Variants in RABGAP1L observed in about 807,000 individuals in gnomAD.
The protein encoded by RABGAP1L is RAB GTPase activating protein 1 like, also known as rab GTPase-activating protein 1-like.
In RABGAP1L, 63 loss-of-function variants were observed where a neutral mutation model predicts 137.7. That is an observed-to-expected ratio of 0.46 (90% CI 0.37 to 0.56). The LOEUF is 0.56. RABGAP1L is among the 20% of genes least tolerant of loss of function. The probability of loss-of-function intolerance (pLI) is 0.00; values close to 1 mark genes in which losing one functional copy is unlikely to be tolerated. For synonymous variants in RABGAP1L, 431 were observed against 433.7 expected (o/e 0.99, Z 0.08); for missense variants, 1,095 against 1,244.0 (o/e 0.88, Z 1.80).
chr1:174,443,664 G>C (rs180878829), intron 13 of RABGAP1L, among the ~76,000 whole-genome samples: 5 of 152,060 alleles, frequency 3.3e-5, no homozygotes, highest in Admixed American at 6.5e-5. Context: ...TTTCTTTGCT[G>C]TGCAGAAGCT....
chr1:174,222,399 T>C (rs993445070), intron 3 of RABGAP1L, among the ~76,000 whole-genome samples: 4 of 152,186 alleles, frequency 2.6e-5, no homozygotes, highest in African/African-American at 9.7e-5. Flanking sequence ...GTGATGCATT[T>C]ATGTAGGGAA....
At chr1:174,986,163 T>C (rs1395654645) in intron 24 of RABGAP1L, among the ~76,000 whole-genome samples, 1 of 152,188 alleles carries the variant, frequency 6.6e-6, no homozygotes, top group Non-Finnish European at 1.5e-5. Context: ...TTGGCCAGGC[T>C]GGTCTCGAAC....
intron 11 of RABGAP1L, among the ~76,000 whole-genome samples, chr1:174,315,712 A>T (rs1679317684): frequency 6.6e-6 from 1 of 151,082 alleles, no homozygotes; most frequent in African/African-American, 2.4e-5. Flanking sequence ...TTTGATTATC[A>T]AATGCCTTGA....
intron 13 of RABGAP1L, among the ~76,000 whole-genome samples, chr1:174,465,052 C>G (rs566559166): frequency 2.7e-4 from 41 of 152,258 alleles, no homozygotes; most frequent in African/African-American, 9.4e-4. Flanking sequence ...GATCCCATGT[C>G]ATATCTCTGT....
At chr1:174,466,105 G>C (rs1304535933) in intron 13 of RABGAP1L, among the ~76,000 whole-genome samples, 2 of 152,172 alleles carry the variant, frequency 1.3e-5, no homozygotes, top group African/African-American at 2.4e-5. Context: ...GGTCACCTTA[G>C]CTTTGTAGTG....
At chr1:174,387,814 G>C (rs1274299190) in intron 12 of RABGAP1L, among the ~76,000 whole-genome samples, 1 of 151,826 alleles carries the variant, frequency 6.6e-6, no homozygotes, top group Non-Finnish European at 1.5e-5. Flanking sequence ...AGATCTGAGG[G>C]AACTGTTTTA....
At chr1:174,341,086 C>T (rs935370024) in intron 11 of RABGAP1L, among the ~76,000 whole-genome samples, 2 of 151,706 alleles carry the variant, frequency 1.3e-5, no homozygotes, top group African/African-American at 4.8e-5. Context: ...CTGTTCATGT[C>T]CCTTGCCACT....
At chr1:174,544,489 C>G (rs1441116110) in intron 13 of RABGAP1L, among the ~76,000 whole-genome samples, 2 of 152,122 alleles carry the variant, frequency 1.3e-5, no homozygotes, top group Non-Finnish European at 2.9e-5. Context: ...TTCTAGTTAG[C>G]CATTCGTCTA....
chr1:174,255,065 G>T (rs1170469763), intron 7 of RABGAP1L, among the ~76,000 whole-genome samples: 3 of 152,040 alleles, frequency 2.0e-5, no homozygotes, highest in Non-Finnish European at 2.9e-5. Context: ...TTGTAGTTTT[G>T]ATTTGCATTT....
Position 174,982,842 on chromosome 1 carries a change from G to T in RABGAP1L, c.2742G>T (p.Ser914=). ...TCTTTTCTCATCCTTAGATCTGTTC[G>T]CAGTTGAGTACCAGGCTGGAGAAAC... The part of the protein sequence containing the change: ...AIIAEYKQIC[S]QLSTRLEKQQ... The change falls in exon 24 of 26, where the codon TCG becomes TCT. Residue 914 remains serine, a synonymous_variant. Coordinates refer to ENST00000681986, the MANE Select transcript of RABGAP1L (RefSeq NM_001366446.1). 6.5e-7 allele frequency: 1 copy of T among 1,550,286 alleles called. No homozygotes were observed. Among genetic ancestry groups the T allele is most frequent in the Non-Finnish European group, 8.7e-7 (1 of 1,146,820 alleles).
intron 13 of RABGAP1L, among the ~76,000 whole-genome samples, chr1:174,429,142 G>C (rs925163557): frequency 1.3e-5 from 2 of 151,966 alleles, no homozygotes; most frequent in Non-Finnish European, 2.9e-5. Flanking sequence ...AATAAAGCAG[G>C]GTATTGTAAA....
At chr1:174,179,270 A>C (rs1666152243) in intron 1 of RABGAP1L, among the ~76,000 whole-genome samples, 1 of 152,114 alleles carries the variant, frequency 6.6e-6, no homozygotes, top group African/African-American at 2.4e-5. Context: ...CCATTGAGAG[A>C]AAATGTCTTC....
chr1:174,315,550 ATCT>A (rs1412911449), intron 11 of RABGAP1L, among the ~76,000 whole-genome samples: 11 of 145,812 alleles, frequency 7.5e-5, no homozygotes, highest in Admixed American at 2.0e-4. Context: ...TTGTTTTCTG[ATCT>A]TCTTTCTTCC....
chr1:174,619,243 C>T (rs1672208858), intron 13 of RABGAP1L, among the ~76,000 whole-genome samples: 1 of 152,158 alleles, frequency 6.6e-6, no homozygotes, highest in Non-Finnish European at 1.5e-5. Flanking sequence ...AGAACTTCCC[C>T]AATCTAGCAA....
At chr1:174,543,734 A>T (rs544130857) in intron 13 of RABGAP1L, among the ~76,000 whole-genome samples, 2 of 152,072 alleles carry the variant, frequency 1.3e-5, no homozygotes, top group Non-Finnish European at 2.9e-5. Flanking sequence ...GGCTGGTACC[A>T]GTTGTTCCTT....
At chr1:174,546,298 C>T (rs549566632) in intron 13 of RABGAP1L, among the ~76,000 whole-genome samples, 1 of 152,262 alleles carries the variant, frequency 6.6e-6, no homozygotes, top group Non-Finnish European at 1.5e-5. Context: ...CACCTACTTA[C>T]ATATATTTTA....
chr1:174,961,999 A>T (rs1017136961), intron 20 of RABGAP1L, among the ~76,000 whole-genome samples: 6 of 151,412 alleles, frequency 4.0e-5, no homozygotes, highest in African/African-American at 1.5e-4. Flanking sequence ...CTACTAAAAA[A>T]TAAATAAATA....
At chr1:174,359,130 ATT>A (rs1683919682) in intron 11 of RABGAP1L, among the ~76,000 whole-genome samples, 1 of 148,438 alleles carries the variant, frequency 6.7e-6, no homozygotes, top group African/African-American at 2.5e-5. Context: ...AAAACCTTCA[ATT>A]ACCCCTTTAC....
intron 13 of RABGAP1L, among the ~76,000 whole-genome samples, chr1:174,557,087 A>G (rs925597095): frequency 1.3e-5 from 2 of 152,220 alleles, no homozygotes; most frequent in Non-Finnish European, 2.9e-5. Flanking sequence ...GTGGCTGGAA[A>G]GGTCAGCCCG....
Sources: allele counts gnomAD v4.1 joint callset (sites outside exome capture counted in the v4.1 genomes callset), GRCh38; gene constraint gnomAD v4.1.1; transcripts MANE v1.5; gene names NCBI Gene and HGNC (gene_info 2026-07-23, HGNC 2026-07-21).